Variants in CNTN5 observed in about 807,000 individuals in gnomAD.
The protein encoded by CNTN5 is contactin 5.
In CNTN5, 77 loss-of-function variants were observed where a neutral mutation model predicts 129.1. The observed-to-expected ratio is 0.60, with a 90% confidence interval of 0.50 to 0.72. CNTN5 has a LOEUF of 0.72. Among genes scored for constraint, CNTN5 ranks in the 30% least tolerant of loss-of-function variants. The probability of loss-of-function intolerance (pLI) is 0.00; values close to 1 mark genes in which losing one functional copy is unlikely to be tolerated. For synonymous variants in CNTN5, 509 were observed against 465.6 expected, an observed-to-expected ratio of 1.09 and a Z score of -1.20; for missense variants, 1,478 against 1,328.8, an observed-to-expected ratio of 1.11 and a Z score of -1.75.
intron 8 of CNTN5, among the ~76,000 whole-genome samples, chr11:99,977,730 A>G (rs973401306): frequency 6.6e-6 from 1 of 152,178 alleles, no homozygotes; most frequent in African/African-American, 2.4e-5. Context: ...ACCTCTCATG[A>G]GGCCCCGCCT....
At chr11:99,990,451 T>TACACACACACACACACAC (rs200252748) in intron 8 of CNTN5, among the ~76,000 whole-genome samples, 5 of 99,540 alleles carry the variant, frequency 5.0e-5, no homozygotes, top group South Asian at 3.4e-4. Flanking sequence ...AGAATATATA[T>TACACACACACACACACAC]ATATACACAC....
intron 9 of CNTN5, among the ~76,000 whole-genome samples, chr11:100,041,637 G>A (rs1942384316): frequency 1.3e-5 from 2 of 152,334 alleles, no homozygotes; most frequent in African/African-American, 4.8e-5. Flanking sequence ...ATGTGAGAAA[G>A]GAAGGCAGCC....
At chr11:99,252,007 G>A (rs1862132456) in intron 1 of CNTN5, among the ~76,000 whole-genome samples, 3 of 151,920 alleles carry the variant, frequency 2.0e-5, no homozygotes, top group South Asian at 4.2e-4. Flanking sequence ...CTTTCAAATT[G>A]CATCTTTATC....
In CNTN5 at chr11:99,311,375, T is replaced by C. The variant is rs114109999; in HGVS notation, c.-209-13971T>C. Among the ~76,000 whole-genome samples, 743 of 152,274 alleles carry C rather than the reference T, an allele frequency of 4.9e-3. 6 individuals carry two copies. The highest frequency in any genetic ancestry group is 0.017 in the African/African-American group (710 of 41,534). On this transcript the variant is annotated intron_variant, in intron 1 of 24. Coordinates refer to ENST00000524871, the MANE Select transcript of CNTN5 (RefSeq NM_014361.4). ...AGGGGTTATTGTTCTACAATTTGCT[T>C]TTTTTTAAGAATACCATTGTCATAT...
intron 2 of CNTN5, among the ~76,000 whole-genome samples, chr11:99,448,590 T>C (rs75266662): frequency 2.0e-5 from 3 of 151,760 alleles, no homozygotes; most frequent in African/African-American, 7.3e-5. Flanking sequence ...AGTAAATCCC[T>C]ACCCTAGGAA....
intron 7 of CNTN5, among the ~76,000 whole-genome samples, chr11:99,946,412 C>A (rs1950554229): frequency 6.6e-6 from 1 of 152,040 alleles, no homozygotes; most frequent in Admixed American, 6.6e-5. Flanking sequence ...GGAGAATACA[C>A]AAAACACATC....
intron 1 of CNTN5, among the ~76,000 whole-genome samples, chr11:99,197,492 A>G (rs1170524359): frequency 6.6e-6 from 1 of 152,110 alleles, no homozygotes; most frequent in Non-Finnish European, 1.5e-5. Flanking sequence ...ATTTTTATGT[A>G]TCTACTCAAT....
At chr11:99,978,741 G>C (rs569715319) in intron 8 of CNTN5, among the ~76,000 whole-genome samples, 1 of 152,102 alleles carries the variant, frequency 6.6e-6, no homozygotes, top group Non-Finnish European at 1.5e-5. Flanking sequence ...GCCTAATGTC[G>C]CATTAATCCT....
At chr11:99,154,234 G>C (rs772871563) in intron 1 of CNTN5, among the ~76,000 whole-genome samples, 9 of 152,174 alleles carry the variant, frequency 5.9e-5, no homozygotes, top group Non-Finnish European at 1.3e-4. Context: ...CCAGCGGCAT[G>C]GTATGGGTGG....
intron 20 of CNTN5, among the ~76,000 whole-genome samples, chr11:100,302,571 C>T (rs1951247539): frequency 1.3e-5 from 2 of 151,604 alleles, no homozygotes; most frequent in Admixed American, 1.3e-4. Flanking sequence ...CAGATACATG[C>T]CTTAAGCACT....
At chr11:99,798,194 G>A (rs1021944964) in intron 3 of CNTN5, among the ~76,000 whole-genome samples, 10 of 151,992 alleles carry the variant, frequency 6.6e-5, no homozygotes, top group African/African-American at 2.2e-4. Context: ...CCACTTACAA[G>A]TTAGAAGATG....
At chr11:99,100,218 T>C (rs140411579) in intron 1 of CNTN5, among the ~76,000 whole-genome samples, 246 of 152,126 alleles carry the variant, frequency 1.6e-3, no homozygotes, top group Non-Finnish European at 3.0e-3. Flanking sequence ...AAAATATTTT[T>C]TCTCTCTCTC....
intron 18 of CNTN5, among the ~76,000 whole-genome samples, chr11:100,284,435 C>G (rs936011723): frequency 6.6e-6 from 1 of 152,108 alleles, no homozygotes; most frequent in South Asian, 2.1e-4. Context: ...TTTTTGAAAT[C>G]TGTTAATATC....
At chr11:99,041,326 A>G (rs182236592) in intron 1 of CNTN5, among the ~76,000 whole-genome samples, 37 of 152,156 alleles carry the variant, frequency 2.4e-4, no homozygotes, top group African/African-American at 8.4e-4. Flanking sequence ...CTCCATTTCT[A>G]TCACCTTCTT....
At chr11:99,890,963 G>T (rs981225906) in intron 6 of CNTN5, among the ~76,000 whole-genome samples, 11 of 151,996 alleles carry the variant, frequency 7.2e-5, no homozygotes, top group Non-Finnish European at 1.5e-4. Context: ...CCAATTGAGG[G>T]ACATTTTGCA....
At position 99,795,897 on chromosome 11, in the gene CNTN5, T is replaced by A. The variant is rs1166252573; in HGVS notation, c.56-23647T>A. Among the ~76,000 whole-genome samples the A allele has an allele frequency of 2.6e-5, 4 of 152,170 alleles. No homozygotes were observed. The East Asian group carries it at 7.7e-4, about 29-fold the overall frequency. The stretch of plus-strand genomic sequence containing the variant: ...TTGGACCACCGATCACAACACTCTG[T>A]TGAATGTGCCAGCCAAAGTGCTTCA... On this transcript the variant is annotated intron_variant, in intron 3 of 24. Coordinates refer to ENST00000524871, the MANE Select transcript of CNTN5 (RefSeq NM_014361.4).
At chr11:99,401,223 T>G (rs1941789690) in intron 2 of CNTN5, among the ~76,000 whole-genome samples, 1 of 152,192 alleles carries the variant, frequency 6.6e-6, no homozygotes, top group African/African-American at 2.4e-5. Flanking sequence ...GTCTTAAATT[T>G]AAGTCTTTGA....
intron 2 of CNTN5, among the ~76,000 whole-genome samples, chr11:99,485,288 A>G (rs1047216093): frequency 1.3e-5 from 2 of 151,996 alleles, no homozygotes; most frequent in Non-Finnish European, 2.9e-5. Flanking sequence ...GGGGAGAGAG[A>G]GATAAATAGG....
chr11:99,048,871 C>T (rs1011904450), intron 1 of CNTN5, among the ~76,000 whole-genome samples: 8 of 152,278 alleles, frequency 5.3e-5, no homozygotes, highest in Middle Eastern at 3.4e-3. Flanking sequence ...GAAATGGCTT[C>T]GCCTTCAATT....
Sources: allele counts gnomAD v4.1 joint callset (sites outside exome capture counted in the v4.1 genomes callset), GRCh38; gene constraint gnomAD v4.1.1; transcripts MANE v1.5; gene names NCBI Gene and HGNC (gene_info 2026-07-23, HGNC 2026-07-21).